The following FKTN variants were observed in gnomAD, a reference collection of about 807,000 sequenced individuals.
FKTN encodes ribitol-5-phosphate transferase FKTN.
A neutral mutation model predicts 58.6 loss-of-function variants in FKTN; 47 were observed. The observed-to-expected ratio is 0.80, with a 90% CI of 0.63 to 1.02. The LOEUF (loss-of-function observed/expected upper bound fraction) is 1.02, where lower values mean the gene tolerates loss of function less well. FKTN is among the 50% of genes least tolerant of loss of function. The probability of loss-of-function intolerance (pLI) is 0.00; values close to 1 mark genes in which losing one functional copy is unlikely to be tolerated. For missense variants in FKTN, 516 were observed against 537.3 expected, an observed-to-expected ratio of 0.96 and a Z score of 0.39; for synonymous variants, 178 against 191.9, an observed-to-expected ratio of 0.93 and a Z score of 0.60.
At chr9:105,630,355 A>G (rs902270310) in intron 10 of FKTN, among the ~76,000 whole-genome samples, 1 of 152,208 alleles carries the variant, frequency 6.6e-6, no homozygotes, top group Non-Finnish European at 1.5e-5. Flanking sequence ...TTCTAGAAAA[A>G]TAAATACCAA....
Position 105,636,376 on chromosome 9 carries a change from T to G in FKTN, c.*1112T>G, listed in dbSNP as rs1042186397. 5 of 985,608 alleles carry G rather than the reference T, an allele frequency of 5.1e-6. No individual in the cohort carries two copies. In the African/African-American group the frequency reaches 7.0e-5, roughly 14 times the overall value. The allele number at this position is 985,608 out of a possible 1,614,324, so 61.1% of individuals were successfully genotyped here. On this transcript the variant is annotated 3_prime_UTR_variant, in exon 11 of 11. Transcript: ENST00000357998. The stretch of plus-strand genomic sequence containing the variant: ...TATATCAGATCTCCAAAATGGAAGC[T>G]AAATGGTGGACTTGACAACTATTCA...
intron 1 of FKTN, among the ~76,000 whole-genome samples, chr9:105,561,239 A>G (rs1838248980): frequency 6.6e-6 from 1 of 152,086 alleles, no homozygotes; most frequent in Non-Finnish European, 1.5e-5. Context: ...GTGACACTGC[A>G]CTCCAGCCTG....
At chr9:105,593,918 G>C (rs1377954204) in intron 3 of FKTN, among the ~76,000 whole-genome samples, 2 of 152,208 alleles carry the variant, frequency 1.3e-5, no homozygotes, top group African/African-American at 4.8e-5. Context: ...AGAGGAATTG[G>C]AGGCAATGAG....
At chr9:105,614,056 A>G (rs904585852) in intron 7 of FKTN, among the ~76,000 whole-genome samples, 40 of 152,192 alleles carry the variant, frequency 2.6e-4, no homozygotes, top group African/African-American at 9.7e-4. Context: ...AAGTTATAAG[A>G]TGAAGTGTGA....
intron 3 of FKTN, among the ~76,000 whole-genome samples, chr9:105,579,549 G>T (rs932622741): frequency 2.0e-5 from 3 of 151,534 alleles, no homozygotes; most frequent in African/African-American, 7.3e-5. Flanking sequence ...TATAATTTGT[G>T]TTCTTTTACA....
intron 10 of FKTN, among the ~76,000 whole-genome samples, chr9:105,631,095 T>G (rs1304802167): frequency 6.6e-6 from 1 of 152,172 alleles, no homozygotes; most frequent in Non-Finnish European, 1.5e-5. Context: ...GTCGCACCAC[T>G]GTACTCCAGC....
chr9:105,620,767 A>C lies in FKTN; in HGVS notation c.1172+706A>C, dbSNP rs868764039. Among the ~76,000 whole-genome samples the C allele has an allele frequency of 4.1e-4, 52 of 125,576 alleles. No individual in the cohort carries two copies. In the Middle Eastern group the frequency reaches 0.012, roughly 30 times the overall value. The allele number at this position is 125,576 out of a possible 152,430, so 82.4% of individuals were successfully genotyped here. A position where few individuals can be genotyped will look rare whatever the true frequency, so the allele number is the denominator to read the frequency against. ...AAGTAATTATTACCTGCTGTTACTA[A>C]TACTACTATAGTAGTAGTAGTAGTA... On this transcript the variant is annotated intron_variant, in intron 10 of 10. Coordinates refer to ENST00000357998, the MANE Select transcript of FKTN (RefSeq NM_001079802.2).
At chr9:105,558,203 G>A (rs554454237) in intron 1 of FKTN, 38 bp downstream of exon 1, 1 of 152,262 alleles carries the variant, frequency 6.6e-6, no homozygotes, top group Non-Finnish European at 1.5e-5. Flanking sequence ...CCCGGGGATG[G>A]GTGGGCGCCT....
In FKTN at chr9:105,635,524, A is replaced by G; in HGVS notation, c.*260A>G. 7.4e-7 allele frequency: 1 copy of G among 1,342,430 alleles called. No individual in the cohort carries two copies. Among genetic ancestry groups the G allele is most frequent in the African/African-American group, 1.5e-5 (1 of 67,758 alleles). 83.2% of individuals were successfully genotyped at this position (1,342,430 alleles called of 1,614,324 possible). A position where few individuals can be genotyped will look rare whatever the true frequency, so the allele number is the denominator to read the frequency against. On this transcript the variant is annotated 3_prime_UTR_variant, in exon 11 of 11. Coordinates refer to ENST00000357998, the MANE Select transcript of FKTN (RefSeq NM_001079802.2). Reference sequence around the variant, plus strand: ...TACTTCTTTTATTCCTCCTTTTGGTAAACAACTCAATTTTCCTTTGAGGGA... The same window carrying G: ...TACTTCTTTTATTCCTCCTTTTGGTGAACAACTCAATTTTCCTTTGAGGGA...
chr9:105,598,084 A>T (rs557096550), intron 4 of FKTN: 149 of 460,580 alleles, frequency 3.2e-4, no homozygotes, highest in Non-Finnish European at 4.0e-5. Context: ...TTTTCATTCA[A>T]GAAATGATCC....
chr9:105,592,232 T>C (rs1845026307), intron 3 of FKTN, among the ~76,000 whole-genome samples: 1 of 152,254 alleles, frequency 6.6e-6, no homozygotes, highest in African/African-American at 2.4e-5. Context: ...CAAACATGTA[T>C]GCCCTGCTTC....
intron 6 of FKTN, among the ~76,000 whole-genome samples, chr9:105,605,072 C>T (rs1828644710): frequency 6.6e-6 from 1 of 151,876 alleles, no homozygotes. Context: ...GTGGATGAAT[C>T]CTACAATGCT....
intron 10 of FKTN, among the ~76,000 whole-genome samples, chr9:105,632,662 A>C (rs1197706283): frequency 6.6e-6 from 1 of 152,110 alleles, no homozygotes; most frequent in African/African-American, 2.4e-5. Context: ...GATTTTAAGG[A>C]TATCTGTGAG....
chr9:105,616,337 T>C (rs1474115816), intron 8 of FKTN, among the ~76,000 whole-genome samples: 1 of 152,212 alleles, frequency 6.6e-6, no homozygotes, highest in Non-Finnish European at 1.5e-5. Context: ...CAGCTTGCAT[T>C]GCACCAAATG....
chr9:105,596,594 C>T lies in FKTN; in HGVS notation c.106-4C>T, dbSNP rs770521306. 1 of 1,609,932 alleles carries T rather than the reference C, an allele frequency of 6.2e-7. No homozygotes were observed. Among genetic ancestry groups the T allele is most frequent in the Non-Finnish European group, 8.5e-7 (1 of 1,176,590 alleles). ...ACTAAAAAGTTCTTTTGTTGTCTTC[C>T]TAGAATGGAGCTGGTTTGTCAAAAT... On this transcript the variant is annotated splice_region_variant and splice_polypyrimidine_tract_variant and intron_variant, in intron 3 of 10. Coordinates refer to ENST00000357998, the MANE Select transcript of FKTN (RefSeq NM_001079802.2).
chr9:105,614,458 C>T (rs1452991974), intron 7 of FKTN, among the ~76,000 whole-genome samples: 1 of 152,142 alleles, frequency 6.6e-6, no homozygotes, highest in Non-Finnish European at 1.5e-5. Flanking sequence ...GCACTTTCCT[C>T]ATAGAAAGTG....
At position 105,640,616 on chromosome 9, in the gene FKTN, A is replaced by C. The variant is rs1364720686; in HGVS notation, c.*5352A>C. On this transcript the variant is annotated 3_prime_UTR_variant, in exon 11 of 11. Coordinates refer to ENST00000357998, the MANE Select transcript of FKTN (RefSeq NM_001079802.2). ...CGTACTATCAAAACTTCTACCCTAGAATACCCCCTGGCACCTTCTAACCCA... is the reference window on the plus strand; with the variant it reads ...CGTACTATCAAAACTTCTACCCTAGCATACCCCCTGGCACCTTCTAACCCA... The C allele has an allele frequency of 2.0e-5, 3 of 152,410 alleles. No homozygotes were observed. The highest frequency in any genetic ancestry group is 2.9e-5 in the Non-Finnish European group (2 of 68,280). The allele number at this position is 152,410 out of a possible 1,614,324, so 9.4% of individuals were successfully genotyped here. A position where few individuals can be genotyped will look rare whatever the true frequency, so the allele number is the denominator to read the frequency against.
At chr9:105,608,683 A>G (rs1435370696) in intron 7 of FKTN, among the ~76,000 whole-genome samples, 3 of 152,230 alleles carry the variant, frequency 2.0e-5, no homozygotes, top group Non-Finnish European at 2.9e-5. Flanking sequence ...AATGAAGTAT[A>G]TAACTGTCAA....
chr9:105,565,158 T>C (rs1202503084), intron 1 of FKTN, among the ~76,000 whole-genome samples: 2 of 151,948 alleles, frequency 1.3e-5, no homozygotes, highest in Non-Finnish European at 1.5e-5. Flanking sequence ...GCACTAAACA[T>C]GGAAAGGAAC....
Sources: gnomAD v4.1 joint callset for allele counts (sites outside exome capture counted in the v4.1 genomes callset) on GRCh38, gnomAD v4.1.1 for gene constraint, MANE v1.5 for transcripts, NCBI Gene and HGNC (gene_info 2026-07-23, HGNC 2026-07-21) for gene names.